SGCZ: variants seen among roughly 807,000 people sequenced by gnomAD.
SGCZ encodes the protein zeta-sarcoglycan.
Under a neutral mutation model 41.3 loss-of-function variants are expected in SGCZ, and 40 were observed. That is an observed-to-expected ratio of 0.97 (90% CI 0.75 to 1.26). The LOEUF (loss-of-function observed/expected upper bound fraction) is 1.26, where lower values mean the gene tolerates loss of function less well. Among genes scored for constraint, SGCZ ranks in the 50% most tolerant of loss-of-function variants. SGCZ has a pLI of 0.00. For missense variants in SGCZ, 552 were observed against 369.8 expected, an observed-to-expected ratio of 1.49 and a Z score of -4.04; for synonymous variants, 206 against 137.5, an observed-to-expected ratio of 1.50 and a Z score of -3.49.
intron 1 of SGCZ, among the ~76,000 whole-genome samples, chr8:15,094,193 G>A (rs1459922074): frequency 1.3e-5 from 2 of 151,558 alleles, no homozygotes; most frequent in Non-Finnish European, 2.9e-5. Flanking sequence ...GGCGTGGAGT[G>A]GTGTGATCTT....
At chr8:15,208,611 G>T (rs11203686) in intron 1 of SGCZ, among the ~76,000 whole-genome samples, 118,789 of 152,020 alleles carry the variant, frequency 0.78, 46,872 homozygotes, top group Non-Finnish European at 0.83. Context: ...TTCTAGAAAA[G>T]TCTGTAAGGT....
chr8:14,131,809 A>G (rs957033654), intron 5 of SGCZ, among the ~76,000 whole-genome samples: 1 of 152,144 alleles, frequency 6.6e-6, no homozygotes, highest in African/African-American at 2.4e-5. Context: ...TTCTATGTTT[A>G]CATACACAAA....
chr8:14,673,526 A>G (rs1407522291), intron 1 of SGCZ, among the ~76,000 whole-genome samples: 1 of 151,604 alleles, frequency 6.6e-6, no homozygotes, highest in Non-Finnish European at 1.5e-5. Context: ...TGCCTTCGCC[A>G]TGATTGTAAG....
At chr8:14,954,217 T>C (rs1337949134) in intron 1 of SGCZ, among the ~76,000 whole-genome samples, 3 of 152,198 alleles carry the variant, frequency 2.0e-5, no homozygotes, top group Non-Finnish European at 4.4e-5. Flanking sequence ...ACGCTTTCTT[T>C]GATCTTCCAC....
intron 1 of SGCZ, among the ~76,000 whole-genome samples, chr8:14,646,341 T>C (rs1563176344): frequency 6.6e-6 from 1 of 151,886 alleles, no homozygotes; most frequent in Admixed American, 6.6e-5. Context: ...CTTAGGATAA[T>C]GGACTCCAGC....
At chr8:14,296,697 C>G (rs991948220) in intron 3 of SGCZ, among the ~76,000 whole-genome samples, 1 of 151,696 alleles carries the variant, frequency 6.6e-6, no homozygotes, top group African/African-American at 2.4e-5. Context: ...CTAGAGAAAT[C>G]AAATAAATAT....
rs866710027 is a variant in SGCZ at position 14,761,543 on chromosome 8, T to C, written c.40-206617A>G. 2.9e-3 allele frequency among the ~76,000 whole-genome samples: 432 copies of C among 147,350 alleles called. 3 individuals carry two copies. The highest frequency in any genetic ancestry group is 0.011 in the African/African-American group (411 of 38,790). On this transcript the variant is annotated intron_variant, in intron 1 of 7. Coordinates refer to ENST00000382080, the MANE Select transcript of SGCZ (RefSeq NM_139167.4). ...ATTTTATTTATTTATTTATTTATTT[T>C]TTTTTTGAGAGGGAGTCTCTCCCTG...
At chr8:14,246,746 A>T (rs1799107147) in intron 3 of SGCZ, among the ~76,000 whole-genome samples, 1 of 151,776 alleles carries the variant, frequency 6.6e-6, no homozygotes, top group Non-Finnish European at 1.5e-5. Flanking sequence ...TCTCTACTAA[A>T]AATACAATAA....
In SGCZ at chr8:14,393,181, G is replaced by C. The variant is rs180814962; in HGVS notation, c.235-68977C>G. Among the ~76,000 whole-genome samples the C allele has an allele frequency of 1.8e-3, 269 of 152,276 alleles. 2 individuals are homozygous for C. Among genetic ancestry groups the C allele is most frequent in the African/African-American group, 6.0e-3 (250 of 41,554 alleles). ...ATAAAGTAGTGCGATATTGATATAA[G>C]AGTTAAGAAGAAATCACTTTGGCAG... On this transcript the variant is annotated intron_variant, in intron 2 of 7. Coordinates refer to ENST00000382080, the MANE Select transcript of SGCZ (RefSeq NM_139167.4).
intron 2 of SGCZ, among the ~76,000 whole-genome samples, chr8:14,530,932 T>C (rs1243963611): frequency 6.6e-6 from 1 of 151,994 alleles, no homozygotes; most frequent in African/African-American, 2.4e-5. Context: ...CTACTACAGG[T>C]ACACAAATGA....
intron 2 of SGCZ, among the ~76,000 whole-genome samples, chr8:14,360,863 G>A (rs1329321111): frequency 6.6e-6 from 1 of 152,050 alleles, no homozygotes; most frequent in Non-Finnish European, 1.5e-5. Context: ...CCACTTTTTT[G>A]TTGTTGTTTT....
In SGCZ at chr8:14,143,812, G is replaced by A. The variant is rs914473012; in HGVS notation, c.547+20768C>T. Among the ~76,000 whole-genome samples, 18 of 152,264 alleles carry A rather than the reference G, an allele frequency of 1.2e-4. 1 individual carries two copies. Among genetic ancestry groups the A allele is most frequent in the Admixed American group, 1.0e-3 (16 of 15,298 alleles). ...CCTACATCTCTGCAGCAGTAGTAAG[G>A]AGAGGAGAATGACTCTCAGTGCTGG... is the stretch of plus-strand genomic sequence containing the variant. On this transcript the variant is annotated intron_variant, in intron 5 of 7. Coordinates refer to ENST00000382080, the MANE Select transcript of SGCZ (RefSeq NM_139167.4).
At chr8:14,198,920 C>T (rs1255589204) in intron 4 of SGCZ, among the ~76,000 whole-genome samples, 1 of 152,128 alleles carries the variant, frequency 6.6e-6, no homozygotes, top group African/African-American at 2.4e-5. Context: ...TCTCTTAATC[C>T]TGTCATCTTC....
intron 5 of SGCZ, among the ~76,000 whole-genome samples, chr8:14,154,382 C>T (rs1803813361): frequency 5.5e-5 from 2 of 36,066 alleles, no homozygotes; most frequent in South Asian, 4.0e-3. Flanking sequence ...AATAAACAAA[C>T]AGCAACAACA....
intron 1 of SGCZ, among the ~76,000 whole-genome samples, chr8:15,104,846 A>G (rs990522709): frequency 5.3e-5 from 8 of 152,200 alleles, no homozygotes; most frequent in Admixed American, 3.3e-4. Context: ...GCTTTTACAA[A>G]TAATACTGAA....
intron 1 of SGCZ, among the ~76,000 whole-genome samples, chr8:14,843,496 C>G (rs988875980): frequency 2.0e-5 from 3 of 152,090 alleles, no homozygotes; most frequent in Non-Finnish European, 4.4e-5. Context: ...GCCTGTTCAT[C>G]ATTGTCTATC....
At chr8:15,190,438 C>T (rs1335293166) in intron 1 of SGCZ, among the ~76,000 whole-genome samples, 7 of 152,084 alleles carry the variant, frequency 4.6e-5, no homozygotes, top group Admixed American at 4.6e-4. Flanking sequence ...TTAAGACTCA[C>T]TCTCAGCCCT....
At chr8:14,526,559 C>G (rs1802956249) in intron 2 of SGCZ, among the ~76,000 whole-genome samples, 1 of 152,086 alleles carries the variant, frequency 6.6e-6, no homozygotes, top group African/African-American at 2.4e-5. Context: ...ATATTTATTT[C>G]TACACAATTG....
intron 1 of SGCZ, among the ~76,000 whole-genome samples, chr8:15,004,083 G>A (rs375393443): frequency 1.2e-4 from 18 of 152,182 alleles, no homozygotes; most frequent in African/African-American, 3.4e-4. Flanking sequence ...ACAGAGAGGA[G>A]GAGAAATACC....
Sources: gnomAD v4.1 joint callset for allele counts (sites outside exome capture counted in the v4.1 genomes callset) on GRCh38, gnomAD v4.1.1 for gene constraint, MANE v1.5 for transcripts, NCBI Gene and HGNC (gene_info 2026-07-23, HGNC 2026-07-21) for gene names.